LRRIQ1: variants seen among roughly 807,000 people sequenced by gnomAD.
LRRIQ1 encodes leucine-rich repeat- and IQ domain-containing protein 1.
Under a neutral mutation model 211.9 loss-of-function variants are expected in LRRIQ1, and 210 were observed. The observed-to-expected ratio is 0.99, with a 90% CI of 0.89 to 1.11. The LOEUF (loss-of-function observed/expected upper bound fraction) is 1.11, where lower values mean the gene tolerates loss of function less well. Among genes scored for constraint, LRRIQ1 ranks in the 50% most tolerant of loss-of-function variants. LRRIQ1 has a pLI of 0.00. For synonymous variants in LRRIQ1, 699 were observed against 650.1 expected (o/e 1.08, Z -1.14); for missense variants, 2,136 against 1,939.5 (o/e 1.10, Z -1.90).
At chr12:85,087,389 T>G (rs1884939410) in intron 11 of LRRIQ1, among the ~76,000 whole-genome samples, 1 of 152,212 alleles carries the variant, frequency 6.6e-6, no homozygotes, top group Non-Finnish European at 1.5e-5. Context: ...TTGTGAATAG[T>G]GCCGCAATAA....
intron 8 of LRRIQ1, among the ~76,000 whole-genome samples, chr12:85,060,426 A>G (rs953869715): frequency 1.3e-5 from 2 of 151,910 alleles, no homozygotes; most frequent in Non-Finnish European, 2.9e-5. Context: ...GGTAACTTGT[A>G]TTAAGTAATA....
chr12:85,056,335 C>T lies in LRRIQ1; in HGVS notation c.1542C>T (p.Asn514=), dbSNP rs1881064102. The stretch of plus-strand genomic sequence containing the variant: ...CAGATAACAAAACTGAATTGGGAAA[C>T]TCTGATCTAAAAGGAAATCTGAAAG... The part of the protein sequence containing the change: ...ENTDNKTELG[N]SDLKGNLKEQ... The change falls in exon 8 of 27, where the codon AAC becomes AAT. Residue 514 remains asparagine, a synonymous_variant. Transcript: ENST00000393217. 1 of 1,596,558 alleles carries T rather than the reference C, an allele frequency of 6.3e-7. No individual in the cohort carries two copies. Among genetic ancestry groups the T allele is most frequent in the Non-Finnish European group, 8.5e-7 (1 of 1,175,202 alleles).
At chr12:85,091,008 T>A (rs753936577) in intron 11 of LRRIQ1, among the ~76,000 whole-genome samples, 1 of 152,154 alleles carries the variant, frequency 6.6e-6, no homozygotes, top group Non-Finnish European at 1.5e-5. Flanking sequence ...CTTGATGCTG[T>A]CTTTTCAATA....
intron 8 of LRRIQ1, among the ~76,000 whole-genome samples, chr12:85,061,131 T>A (rs1365450304): frequency 1.3e-4 from 19 of 151,710 alleles, no homozygotes. Flanking sequence ...GCTAGGGAAG[T>A]TCATTCATTT....
At chr12:85,036,753 T>G (rs543889514) in intron 1 of LRRIQ1, among the ~76,000 whole-genome samples, 1 of 151,970 alleles carries the variant, frequency 6.6e-6, no homozygotes, top group Non-Finnish European at 1.5e-5. Flanking sequence ...TCTTTCTTTT[T>G]TTTTTGGTAA....
intron 1 of LRRIQ1, among the ~76,000 whole-genome samples, chr12:85,252,152 G>T (rs969261069): frequency 3.2e-4 from 49 of 151,466 alleles, no homozygotes; most frequent in African/African-American, 1.1e-3. Context: ...ATTTTAGAAT[G>T]CTAAAACTCA....
At chr12:85,262,364 G>T (rs1896324369) in intron 1 of LRRIQ1, among the ~76,000 whole-genome samples, 1 of 152,006 alleles carries the variant, frequency 6.6e-6, no homozygotes, top group Non-Finnish European at 1.5e-5. Flanking sequence ...TACTCAGAAA[G>T]ACTGTTACCT....
At position 85,244,953 on chromosome 12, in the gene LRRIQ1, G is replaced by A; in HGVS notation, c.*12G>A. On this transcript the variant is annotated 3_prime_UTR_variant, in exon 27 of 27. Coordinates refer to ENST00000393217, the MANE Select transcript of LRRIQ1 (RefSeq NM_001079910.2). ...CAAAATTAATTTAGAAATCACAAACGAATTGATGGAACCTAATGCCAACAA... is the reference window on the plus strand; with the variant it reads ...CAAAATTAATTTAGAAATCACAAACAAATTGATGGAACCTAATGCCAACAA... 8.1e-6 allele frequency: 13 copies of A among 1,608,330 alleles called. No homozygotes were observed. The highest frequency in any genetic ancestry group is 1.1e-5 in the Non-Finnish European group (13 of 1,176,566).
At chr12:85,106,838 TTGTAA>T (rs1352698151) in intron 15 of LRRIQ1, among the ~76,000 whole-genome samples, 2 of 152,176 alleles carry the variant, frequency 1.3e-5, no homozygotes, top group African/African-American at 2.4e-5. Flanking sequence ...GAAATTAAAA[TTGTAA>T]TGTAAACCAT....
At chr12:85,217,474 ATATATATATATATATATG>A (rs1894146722) in intron 24 of LRRIQ1, among the ~76,000 whole-genome samples, 1 of 80,048 alleles carries the variant, frequency 1.2e-5, no homozygotes, top group Non-Finnish European at 2.1e-5. Context: ...AAGTATATAT[ATATATATATATATATATG>A]TATATATATA....
At chr12:85,109,397 A>G (rs972384323) in intron 15 of LRRIQ1, among the ~76,000 whole-genome samples, 1 of 152,180 alleles carries the variant, frequency 6.6e-6, no homozygotes, top group Non-Finnish European at 1.5e-5. Context: ...TGGCCCAGAA[A>G]GTCCATTTTT....
downstream of LRRIQ1, among the ~76,000 whole-genome samples, chr12:85,248,869 GTC>G (rs1269825378): frequency 6.6e-6 from 1 of 151,686 alleles, no homozygotes; most frequent in Non-Finnish European, 1.5e-5. Context: ...ATGTTGAAGA[GTC>G]TGTCTGGGCC....
intron 4 of LRRIQ1, 139 bp downstream of exon 4, chr12:85,044,948 GT>G (rs1304817286): frequency 2.4e-6 from 1 of 418,658 alleles, no homozygotes; most frequent in Non-Finnish European, 4.3e-6. Context: ...CAAATCATCT[GT>G]GGTTTTATGG....
chr12:85,047,970 C>A, intron 6 of LRRIQ1: 1 of 154,336 alleles, frequency 6.5e-6, no homozygotes, highest in Non-Finnish European at 1.4e-5. Flanking sequence ...TCATTTCTGT[C>A]GTATGTGTTG....
chr12:85,192,421 T>TATATATAG (rs1892572062), intron 24 of LRRIQ1, among the ~76,000 whole-genome samples: 1 of 131,952 alleles, frequency 7.6e-6, no homozygotes, highest in Non-Finnish European at 1.6e-5. Flanking sequence ...ATTATATACA[T>TATATATAG]TTATATATAT....
chr12:85,149,152 T>C (rs1410629979), intron 19 of LRRIQ1, among the ~76,000 whole-genome samples: 1 of 152,062 alleles, frequency 6.6e-6, no homozygotes, highest in African/African-American at 2.4e-5. Flanking sequence ...CTCTTTAATT[T>C]AATTAGATCC....
chr12:85,238,033 G>T (rs1413936335), intron 26 of LRRIQ1, among the ~76,000 whole-genome samples: 1 of 151,894 alleles, frequency 6.6e-6, no homozygotes, highest in East Asian at 1.9e-4. Context: ...AGATCTAAAT[G>T]TTGAGGAAAC....
At chr12:85,068,058 T>G (rs1228926859) in intron 10 of LRRIQ1, among the ~76,000 whole-genome samples, 2 of 151,980 alleles carry the variant, frequency 1.3e-5, no homozygotes, top group Non-Finnish European at 2.9e-5. Context: ...CTTGATTTCT[T>G]CTATTGTTTT....
chr12:85,117,440 CA>C (rs1383117139), intron 15 of LRRIQ1, among the ~76,000 whole-genome samples: 1 of 152,102 alleles, frequency 6.6e-6, no homozygotes, highest in Non-Finnish European at 1.5e-5. Flanking sequence ...CATATAACTC[CA>C]AAAAGATACA....
Sources: gnomAD v4.1 joint callset for allele counts (sites outside exome capture counted in the v4.1 genomes callset) on GRCh38, gnomAD v4.1.1 for gene constraint, MANE v1.5 for transcripts, NCBI Gene and HGNC (gene_info 2026-07-23, HGNC 2026-07-21) for gene names.